GTF3C5: variants seen among roughly 807,000 people sequenced by gnomAD.
The protein encoded by GTF3C5 is general transcription factor 3C polypeptide 5.
GTF3C5 carries 47 observed loss-of-function variants against 61.0 expected under a neutral mutation model. The observed-to-expected ratio is 0.77, with a 90% confidence interval of 0.61 to 0.98. The LOEUF (loss-of-function observed/expected upper bound fraction) is 0.98. GTF3C5 is among the 50% of genes least tolerant of loss of function. The pLI is 0.00. For synonymous variants in GTF3C5, 295 were observed against 275.4 expected (o/e 1.07, Z -0.71); for missense variants, 659 against 703.3 (o/e 0.94, Z 0.71).
intron 2 of GTF3C5, among the ~76,000 whole-genome samples, chr9:133,042,907 T>G (rs1163195843): frequency 6.6e-6 from 1 of 152,186 alleles, no homozygotes; most frequent in African/African-American, 2.4e-5. Flanking sequence ...GTCTGTGCAG[T>G]GCGGGCTACA....
intron 3 of GTF3C5, among the ~76,000 whole-genome samples, chr9:133,048,203 A>G (rs940041814): frequency 2.0e-5 from 3 of 152,206 alleles, no homozygotes; most frequent in Non-Finnish European, 2.9e-5. Context: ...ACAAAAATAC[A>G]TAAAAGAAAA....
intron 10 of GTF3C5, among the ~76,000 whole-genome samples, chr9:133,057,487 T>G (rs1237606156): frequency 6.6e-6 from 1 of 152,200 alleles, no homozygotes; most frequent in Admixed American, 6.5e-5. Flanking sequence ...CAGGGGTTCT[T>G]GGTCTTGCTT....
chr9:133,054,974 C>A (rs763516890), intron 8 of GTF3C5, 165 bp downstream of exon 8: 1 of 1,551,636 alleles, frequency 6.4e-7, no homozygotes, highest in East Asian at 2.4e-5. Context: ...GGTGAGAACT[C>A]GGGTGCAAAG....
At chr9:133,044,814 ACTCT>A (rs1327813033) in intron 3 of GTF3C5, among the ~76,000 whole-genome samples, 1 of 151,396 alleles carries the variant, frequency 6.6e-6, no homozygotes, top group East Asian at 1.9e-4. Flanking sequence ...ACAGGCGCTC[ACTCT>A]CTCTCATCAG....
chr9:133,055,244 G>T, intron 8 of GTF3C5: 2 of 1,483,826 alleles, frequency 1.3e-6, no homozygotes, highest in Non-Finnish European at 1.8e-6. Context: ...CCCAGCGGGG[G>T]TTGGCGGTTT....
intron 1 of GTF3C5, among the ~76,000 whole-genome samples, chr9:133,032,224 A>G (rs189411452): frequency 6.6e-6 from 1 of 152,344 alleles, no homozygotes; most frequent in African/African-American, 2.4e-5. Context: ...CACCGTGCCC[A>G]GCCTGGAATG....
In GTF3C5 at chr9:133,040,027, C is replaced by G. The variant is rs372662187; in HGVS notation, c.154-2060C>G. Among the ~76,000 whole-genome samples, 174 of 152,304 alleles carry G rather than the reference C, an allele frequency of 1.1e-3. No homozygotes were observed. In the South Asian group the frequency reaches 0.014, roughly 12 times the overall value. ...GAGCCCCAGTTAATCACGTTTTCTT[C>G]TTTTATATTATTCTCTTGATTTATG... On this transcript the variant is annotated intron_variant, in intron 1 of 10. Coordinates refer to ENST00000372097, the MANE Select transcript of GTF3C5 (RefSeq NM_012087.4).
chr9:133,033,003 A>G (rs772767232), intron 1 of GTF3C5, among the ~76,000 whole-genome samples: 34 of 152,112 alleles, frequency 2.2e-4, no homozygotes, highest in Admixed American at 4.6e-4. Flanking sequence ...ATGCTATTCT[A>G]TTTTCCCAAG....
chr9:133,038,708 C>T (rs1157372396), intron 1 of GTF3C5, among the ~76,000 whole-genome samples: 1 of 151,802 alleles, frequency 6.6e-6, no homozygotes, highest in Non-Finnish European at 1.5e-5. Context: ...CCACCCAGCT[C>T]GGCCTCCCAA....
At chr9:133,034,870 G>A (rs1475026947) in intron 1 of GTF3C5, among the ~76,000 whole-genome samples, 1 of 152,176 alleles carries the variant, frequency 6.6e-6, no homozygotes, top group Admixed American at 6.5e-5. Context: ...GCAATGGAGT[G>A]TAGATAAGGC....
chr9:133,046,006 A>C (rs1850191184), intron 3 of GTF3C5, among the ~76,000 whole-genome samples: 1 of 152,122 alleles, frequency 6.6e-6, no homozygotes, highest in Non-Finnish European at 1.5e-5. Context: ...AGCATGTTTT[A>C]AGCTTCCAAA....
At chr9:133,053,298 T>C (rs1229032218) in intron 5 of GTF3C5, among the ~76,000 whole-genome samples, 1 of 152,004 alleles carries the variant, frequency 6.6e-6, no homozygotes, top group African/African-American at 2.4e-5. Context: ...TGAAAAACCA[T>C]GGGAGGCCAG....
intron 1 of GTF3C5, among the ~76,000 whole-genome samples, chr9:133,033,321 G>A (rs1215950800): frequency 1.3e-5 from 2 of 152,130 alleles, no homozygotes; most frequent in African/African-American, 2.4e-5. Context: ...ATGCCAGAGT[G>A]AAAGGGATGG....
chr9:133,052,867 CTG>C (rs199947532), intron 5 of GTF3C5, among the ~76,000 whole-genome samples: 1,843 of 152,246 alleles, frequency 0.012, 36 homozygotes, highest in African/African-American at 0.042. Context: ...GAGTCTCACT[CTG>C]TCTCCCAGGC....
chr9:133,057,645 A>G (rs1829978317), intron 10 of GTF3C5, among the ~76,000 whole-genome samples, 169 bp from the exon 11 acceptor site: 1 of 152,030 alleles, frequency 6.6e-6, no homozygotes, highest in Non-Finnish European at 1.5e-5. Flanking sequence ...TGCCCGTCAA[A>G]CTACAGCTTC....
In GTF3C5 at chr9:133,058,220, A is replaced by G; in HGVS notation, c.*240A>G. 8.1e-7 allele frequency: 1 copy of G among 1,238,466 alleles called. No homozygotes were observed. Among genetic ancestry groups the G allele is most frequent in the Non-Finnish European group, 1.0e-6 (1 of 972,594 alleles). The allele number at this position is 1,238,466 out of a possible 1,614,324, so 76.7% of individuals were successfully genotyped here. A position where few individuals can be genotyped will look rare whatever the true frequency, so the allele number is the denominator to read the frequency against. On this transcript the variant is annotated 3_prime_UTR_variant, in exon 11 of 11. Coordinates refer to ENST00000372097, the MANE Select transcript of GTF3C5 (RefSeq NM_012087.4). ...CCAAAGGGTATACCCTGGCTCTGCCACCCATGAACCAGCCCAGCATCCAGC... is the reference window on the plus strand; with the variant it reads ...CCAAAGGGTATACCCTGGCTCTGCCGCCCATGAACCAGCCCAGCATCCAGC...
intron 4 of GTF3C5, 132 bp from the exon 5 acceptor site, chr9:133,051,928 G>C: frequency 1.9e-6 from 1 of 538,796 alleles, no homozygotes; most frequent in Admixed American, 3.6e-5. Flanking sequence ...GCCACGCCCT[G>C]TGTGTCCAGC....
chr9:133,052,085 CCCG>C lies in GTF3C5; in HGVS notation c.795_797del (p.Arg266del). 1 of 1,606,970 alleles carries C rather than the reference CCCG, an allele frequency of 6.2e-7. No homozygotes were observed. Among genetic ancestry groups the C allele is most frequent in the Non-Finnish European group, 8.5e-7 (1 of 1,175,750 alleles). ...CTGTTTGACATCCGTCCCATCTGGT[CCCG>C]AAATGCTGTCAAGGCCAACATCAGC... On this transcript the variant is annotated inframe_deletion, in exon 5 of 11. Coordinates refer to ENST00000372097, the MANE Select transcript of GTF3C5 (RefSeq NM_012087.4).
intron 1 of GTF3C5, among the ~76,000 whole-genome samples, chr9:133,040,439 C>T (rs565577130): frequency 8.5e-5 from 13 of 152,282 alleles, no homozygotes; most frequent in Middle Eastern, 3.4e-3. Context: ...TTCATATGTA[C>T]GTGGCACATA....
Sources: gnomAD v4.1 joint callset for allele counts (sites outside exome capture counted in the v4.1 genomes callset) on GRCh38, gnomAD v4.1.1 for gene constraint, MANE v1.5 for transcripts, NCBI Gene and HGNC (gene_info 2026-07-23, HGNC 2026-07-21) for gene names.